Variants in RANBP2 observed in about 807,000 individuals in gnomAD.
RANBP2 encodes E3 SUMO-protein ligase RanBP2.
A neutral mutation model predicts 303.6 loss-of-function variants in RANBP2; 57 were observed. That is an observed-to-expected ratio of 0.19 (90% CI 0.15 to 0.23). RANBP2 has a LOEUF of 0.23. Ranked by LOEUF, RANBP2 falls within the 10% of genes least tolerant of loss-of-function variation. The pLI is 1.00. For missense variants in RANBP2, 3,138 were observed against 3,780.8 expected (o/e 0.83, Z 4.46); for synonymous variants, 1,167 against 1,301.5 (o/e 0.90, Z 2.23).
At chr2:109,460,956 G>A in the RANBP2 span, among the ~76,000 whole-genome samples, 2 of 152,238 alleles carry the variant, frequency 1.3e-5, no homozygotes, top group Non-Finnish European at 2.9e-5. Context: ...GGTGGTGCCT[G>A]CATATGGTGC....
At chr2:109,732,735 A>G in the RANBP2 span, 1 of 681,318 alleles carries the variant, frequency 1.5e-6, no homozygotes, top group Non-Finnish European at 2.8e-6. Context: ...ATGTAGGTTT[A>G]TGCAGGCAAT....
At chr2:109,066,946 G>A in the RANBP2 span, among the ~76,000 whole-genome samples, 1 of 152,096 alleles carries the variant, frequency 6.6e-6, no homozygotes, top group South Asian at 2.1e-4. Context: ...CTTTCAACAC[G>A]TTGATACTCC....
the RANBP2 span, among the ~76,000 whole-genome samples, chr2:109,612,778 T>G: frequency 1.3e-5 from 2 of 152,138 alleles, no homozygotes; most frequent in Admixed American, 6.5e-5. Flanking sequence ...ATTTGAGATT[T>G]TTAAAAAATA....
chr2:109,506,186 G>T, the RANBP2 span, among the ~76,000 whole-genome samples: 1 of 152,202 alleles, frequency 6.6e-6, no homozygotes, highest in African/African-American at 2.4e-5. Flanking sequence ...AGTGAGCTGG[G>T]CCTTCAGTTG....
chr2:109,666,519 G>T, the RANBP2 span, among the ~76,000 whole-genome samples: 4 of 152,182 alleles, frequency 2.6e-5, no homozygotes, highest in Admixed American at 6.5e-5. Context: ...TAAGAATTTT[G>T]ATTATCTTAA....
chr2:108,906,466 C>T, the RANBP2 span: 1 of 1,264,420 alleles, frequency 7.9e-7, no homozygotes, highest in Non-Finnish European at 1.1e-6. Context: ...CAGCTACGCC[C>T]AACACCAGAG....
chr2:109,192,686 A>G, the RANBP2 span, among the ~76,000 whole-genome samples: 61 of 152,336 alleles, frequency 4.0e-4, no homozygotes, highest in Non-Finnish European at 7.9e-4. Flanking sequence ...CTTATAGATG[A>G]CTGCATTTTT....
chr2:108,862,672 T>C, the RANBP2 span, among the ~76,000 whole-genome samples: 2 of 152,236 alleles, frequency 1.3e-5, no homozygotes, highest in Non-Finnish European at 2.9e-5. Flanking sequence ...GGTAAAGATA[T>C]ATAATTTTCA....
chr2:109,158,679 T>G, the RANBP2 span, among the ~76,000 whole-genome samples: 5 of 152,348 alleles, frequency 3.3e-5, no homozygotes, highest in South Asian at 2.1e-4. Context: ...ATAAGAGATT[T>G]GAGGATTTCT....
At chr2:109,352,031 C>CA in the RANBP2 span, among the ~76,000 whole-genome samples, 1 of 152,214 alleles carries the variant, frequency 6.6e-6, no homozygotes, top group African/African-American at 2.4e-5. Context: ...ATGAGGTAGA[C>CA]ACAGATTCAA....
chr2:109,416,732 T>TACA, the RANBP2 span, among the ~76,000 whole-genome samples: 5 of 151,488 alleles, frequency 3.3e-5, no homozygotes, highest in African/African-American at 1.2e-4. Flanking sequence ...TCTGTCTCAA[T>TACA]ACAACAACAA....
the RANBP2 span, among the ~76,000 whole-genome samples, chr2:108,874,987 C>T: frequency 1.4e-4 from 21 of 150,616 alleles, no homozygotes; most frequent in Non-Finnish European, 2.7e-4. Context: ...TTTTACTATT[C>T]ATGATGTGTT....
the RANBP2 span, among the ~76,000 whole-genome samples, chr2:108,853,601 AC>A: frequency 6.7e-6 from 1 of 149,964 alleles, no homozygotes; most frequent in African/African-American, 2.5e-5. Context: ...AGCATAACTT[AC>A]CACAACCTTG....
the RANBP2 span, among the ~76,000 whole-genome samples, chr2:109,198,637 A>G: frequency 6.6e-6 from 1 of 152,200 alleles, no homozygotes. Flanking sequence ...CCTGGTTTGT[A>G]GACAGCCAGT....
the RANBP2 span, among the ~76,000 whole-genome samples, chr2:109,348,689 GC>G: frequency 6.6e-6 from 1 of 152,164 alleles, no homozygotes; most frequent in Non-Finnish European, 1.5e-5. Flanking sequence ...GTAAACCAAA[GC>G]TCTGAGAGGC....
chr2:109,727,063 T>A, the RANBP2 span, among the ~76,000 whole-genome samples: 1 of 152,078 alleles, frequency 6.6e-6, no homozygotes, highest in Admixed American at 6.5e-5. Context: ...ACTGCCCTGG[T>A]GCTTCCTAAA....
chr2:109,529,413 C>A, the RANBP2 span, among the ~76,000 whole-genome samples: 3 of 152,196 alleles, frequency 2.0e-5, no homozygotes, highest in Non-Finnish European at 2.9e-5. Context: ...CGAGGGAGAG[C>A]CGGGGAGGCC....
chr2:109,729,913 A>C, the RANBP2 span, among the ~76,000 whole-genome samples: 9 of 152,298 alleles, frequency 5.9e-5, no homozygotes, highest in South Asian at 1.9e-3. Context: ...GGAAGCAGGC[A>C]CCTTCTTTAC....
the RANBP2 span, among the ~76,000 whole-genome samples, chr2:109,063,895 C>T: frequency 6.6e-5 from 10 of 151,674 alleles, no homozygotes; most frequent in African/African-American, 2.4e-4. Flanking sequence ...TTTAGGGATT[C>T]GGCAATAATT....
Sources: gnomAD v4.1 joint callset for allele counts (sites outside exome capture counted in the v4.1 genomes callset) on GRCh38, gnomAD v4.1.1 for gene constraint, MANE v1.5 for transcripts, NCBI Gene and HGNC (gene_info 2026-07-23, HGNC 2026-07-21) for gene names.